Variants in DAAM1 observed in about 807,000 individuals in gnomAD.
The protein encoded by DAAM1 is disheveled-associated activator of morphogenesis 1.
In DAAM1, 52 loss-of-function variants were observed where a neutral mutation model predicts 130.0. The ratio of observed to expected loss-of-function variants is 0.40; its 90% CI spans 0.32 to 0.50. The LOEUF (loss-of-function observed/expected upper bound fraction) is 0.50, where lower values mean the gene tolerates loss of function less well. Among genes scored for constraint, DAAM1 ranks in the 20% least tolerant of loss-of-function variants. The pLI is 0.61. For missense variants in DAAM1, 1,134 were observed against 1,303.8 expected, an observed-to-expected ratio of 0.87 and a Z score of 2.01; for synonymous variants, 452 against 444.5, an observed-to-expected ratio of 1.02 and a Z score of -0.21.
chr14:59,353,342 A>G lies in DAAM1; in HGVS notation c.2268-534A>G, dbSNP rs74724232. Reference sequence around the variant, plus strand: ...TAGGGGTGTAGAGAGGGTGCTCACTATGAAGACAGAGGGAGGTTTGCAGAT... The same window carrying G: ...TAGGGGTGTAGAGAGGGTGCTCACTGTGAAGACAGAGGGAGGTTTGCAGAT... On this transcript the variant is annotated intron_variant, in intron 18 of 24. Transcript: ENST00000360909. Among the ~76,000 whole-genome samples the G allele has an allele frequency of 9.9e-3, 1,510 of 152,260 alleles. 25 individuals are homozygous for G. Among genetic ancestry groups the G allele is most frequent in the African/African-American group, 0.034 (1,419 of 41,548 alleles).
At position 59,369,719 on chromosome 14, in the gene DAAM1, TAAAG is replaced by T. The variant is rs1415865129; in HGVS notation, c.*861_*864del. ...ATAATAAAATATCTCACCCAAGACT[TAAAG>T]GAAGAATTCTCTGAAGGGATAAAGA... is the stretch of plus-strand genomic sequence containing the variant. On this transcript the variant is annotated 3_prime_UTR_variant, in exon 25 of 25. Transcript: ENST00000360909. The T allele has an allele frequency of 1.7e-5, 2 of 115,092 alleles. No homozygotes were observed. The highest frequency in any genetic ancestry group is 6.6e-5 in the African/African-American group (2 of 30,078). The allele number at this position is 115,092 out of a possible 1,614,324, so 7.1% of individuals were successfully genotyped here. A position where few individuals can be genotyped will look rare whatever the true frequency, so the allele number is the denominator to read the frequency against.
intron 3 of DAAM1, among the ~76,000 whole-genome samples, chr14:59,295,332 A>G (rs770293366): frequency 3.3e-5 from 5 of 152,234 alleles, no homozygotes; most frequent in Non-Finnish European, 7.3e-5. Context: ...CTTGCCTGTC[A>G]TGGCTGCAGC....
At chr14:59,294,514 A>G (rs1883874758) in intron 3 of DAAM1, among the ~76,000 whole-genome samples, 1 of 151,876 alleles carries the variant, frequency 6.6e-6, no homozygotes, top group Admixed American at 6.6e-5. Context: ...TCTAAAACTT[A>G]CCGGACTGGT....
chr14:59,293,426 G>A (rs1194193920), intron 3 of DAAM1, among the ~76,000 whole-genome samples: 2 of 152,206 alleles, frequency 1.3e-5, no homozygotes, highest in African/African-American at 4.8e-5. Context: ...AAGTGTGCAT[G>A]ATGGGGGGTT....
intron 1 of DAAM1, among the ~76,000 whole-genome samples, chr14:59,205,013 T>G (rs1888219116): frequency 6.6e-6 from 1 of 152,214 alleles, no homozygotes. Context: ...TTATGTGGAG[T>G]GAAAATGAAG....
intron 3 of DAAM1, among the ~76,000 whole-genome samples, chr14:59,307,704 A>G (rs1304625386): frequency 6.6e-6 from 1 of 152,184 alleles, no homozygotes; most frequent in Non-Finnish European, 1.5e-5. Flanking sequence ...CAGGCTTCAT[A>G]TGCATACATG....
At position 59,353,790 on chromosome 14, in the gene DAAM1, T is replaced by A. The variant is rs1029980524; in HGVS notation, c.2268-86T>A. Reference sequence around the variant, plus strand: ...GTGGGTGGGTATTGGGGGAGGTGCTTCTAGGTACCTCCACCTCCATATCTG... The same window carrying A: ...GTGGGTGGGTATTGGGGGAGGTGCTACTAGGTACCTCCACCTCCATATCTG... On this transcript the variant is annotated intron_variant, in intron 18 of 24. Transcript: ENST00000360909. The A allele has an allele frequency of 3.1e-6, 4 of 1,286,528 alleles. No homozygotes were observed. The African/African-American group carries it at 5.9e-5, about 19-fold the overall frequency. 79.7% of individuals were successfully genotyped at this position (1,286,528 alleles called of 1,614,324 possible). A position where few individuals can be genotyped will look rare whatever the true frequency, so the allele number is the denominator to read the frequency against.
chr14:59,224,502 G>A (rs1055861822), intron 1 of DAAM1, among the ~76,000 whole-genome samples: 11 of 152,178 alleles, frequency 7.2e-5, no homozygotes, highest in Non-Finnish European at 1.2e-4. Context: ...TTGGAAGCAC[G>A]TAACTTGTTT....
intron 4 of DAAM1, among the ~76,000 whole-genome samples, chr14:59,319,681 G>C (rs557781377): frequency 4.6e-5 from 7 of 152,280 alleles, no homozygotes; most frequent in African/African-American, 1.4e-4. Flanking sequence ...CAGAGTGAAA[G>C]GGAATGGAAA....
intron 19 of DAAM1, among the ~76,000 whole-genome samples, chr14:59,354,206 G>A (rs1171839346): frequency 6.6e-6 from 1 of 152,004 alleles, no homozygotes; most frequent in Non-Finnish European, 1.5e-5. Flanking sequence ...GACTACAGGT[G>A]CCTGCCACCA....
chr14:59,242,323 G>A (rs1248702044), intron 1 of DAAM1, among the ~76,000 whole-genome samples: 1 of 152,094 alleles, frequency 6.6e-6, no homozygotes, highest in Non-Finnish European at 1.5e-5. Flanking sequence ...ATGCCTAGTA[G>A]CAGTGTTAGA....
intron 20 of DAAM1, among the ~76,000 whole-genome samples, chr14:59,358,583 C>G (rs113100489): frequency 0.13 from 19,366 of 152,116 alleles, 1,616 homozygotes; most frequent in African/African-American, 0.24. Flanking sequence ...TGGCTCACAC[C>G]TATAATCCCA....
Position 59,347,623 on chromosome 14 carries a change from G to A in DAAM1, c.2160G>A (p.Gln720=). 1 of 1,613,586 alleles carries A rather than the reference G, an allele frequency of 6.2e-7. No homozygotes were observed. ...ATCTGCCCAAGGACATGTTGGAACA[G>A]GTGAGCTACCAGATGTATCTGAGAG... ...QEDLPKDMLE[Q]LLKFVPEKSD... The change falls in exon 17 of 25, where the codon CAG becomes CAA. Residue 720 remains glutamine, a splice_region_variant and synonymous_variant. Coordinates refer to ENST00000360909, the MANE Select transcript of DAAM1 (RefSeq NM_001270520.2).
chr14:59,348,694 T>C (rs1188248721), intron 17 of DAAM1, among the ~76,000 whole-genome samples: 2 of 152,206 alleles, frequency 1.3e-5, no homozygotes, highest in East Asian at 3.9e-4. Context: ...TTTTGTGTTG[T>C]TAACAGTAAT....
At chr14:59,310,334 T>C (rs1409100627) in intron 3 of DAAM1, among the ~76,000 whole-genome samples, 1 of 152,112 alleles carries the variant, frequency 6.6e-6, no homozygotes. Flanking sequence ...GGTTTCACCA[T>C]ATTGGCCAGG....
intron 19 of DAAM1, 25 bp from the exon 20 acceptor site, chr14:59,355,140 T>C: frequency 6.3e-7 from 1 of 1,597,582 alleles, no homozygotes; most frequent in Admixed American, 1.8e-5. Context: ...TTGGTAATCA[T>C]GTTTTTATGT....
At chr14:59,271,844 C>T (rs1234568309) in intron 2 of DAAM1, among the ~76,000 whole-genome samples, 1 of 152,064 alleles carries the variant, frequency 6.6e-6, no homozygotes. Flanking sequence ...ATTTTTAAAA[C>T]TTGCCTTATA....
At chr14:59,238,657 C>T (rs190504688) in intron 1 of DAAM1, among the ~76,000 whole-genome samples, 47 of 152,288 alleles carry the variant, frequency 3.1e-4, no homozygotes, top group African/African-American at 1.0e-3. Flanking sequence ...TAACCCTTCA[C>T]GTATAACCCC....
chr14:59,233,407 T>G (rs1225265143), intron 1 of DAAM1, among the ~76,000 whole-genome samples: 1 of 152,242 alleles, frequency 6.6e-6, no homozygotes, highest in Non-Finnish European at 1.5e-5. Context: ...GAGATTTTTT[T>G]CCTATATTTG....
Sources: gnomAD v4.1 joint callset for allele counts (sites outside exome capture counted in the v4.1 genomes callset) on GRCh38, gnomAD v4.1.1 for gene constraint, MANE v1.5 for transcripts, NCBI Gene and HGNC (gene_info 2026-07-23, HGNC 2026-07-21) for gene names.